The following GAK variants were observed in gnomAD, a reference collection of about 807,000 sequenced individuals.
The protein encoded by GAK is cyclin-G-associated kinase.
Under a neutral mutation model 143.9 loss-of-function variants are expected in GAK, and 79 were observed. The observed-to-expected ratio is 0.55, with a 90% CI of 0.46 to 0.66. The LOEUF (loss-of-function observed/expected upper bound fraction) is 0.66. Ranked by LOEUF, GAK falls within the 30% of genes least tolerant of loss-of-function variation. GAK has a pLI of 0.00. For missense variants in GAK, 1,693 were observed against 1,779.7 expected (o/e 0.95, Z 0.88); for synonymous variants, 881 against 765.5 (o/e 1.15, Z -2.49).
rs1726035202 is a variant in GAK at position 932,306 on chromosome 4, A to G, written c.-119T>C. The G allele has an allele frequency of 2.2e-6, 3 of 1,378,870 alleles. No homozygotes were observed. The highest frequency in any genetic ancestry group is 2.8e-6 in the Non-Finnish European group (3 of 1,073,802). The allele number at this position is 1,378,870 out of a possible 1,614,324, so 85.4% of individuals were successfully genotyped here. On this transcript the variant is annotated 5_prime_UTR_variant, in exon 1 of 28. Coordinates refer to ENST00000314167, the MANE Select transcript of GAK (RefSeq NM_005255.4). The surrounding 1 kb of genome is among the most constrained non-coding windows in gnomAD (Gnocchi z 4.0). ...CGGAGGTGCACCATCTTCCGCCTCG[A>G]CGCCGTGACGTAGGCGCCCGTGAGG...
Position 877,740 on chromosome 4 carries a change from C to T in GAK, c.1731G>A (p.Val577=), listed in dbSNP as rs1264235352. 3.7e-6 allele frequency: 6 copies of T among 1,613,452 alleles called. No individual in the cohort carries two copies. The East Asian group carries it at 1.3e-4, about 36-fold the overall frequency. Residue 577 remains valine, a synonymous_variant, in exon 16 of 28, where the codon GTG becomes GTA. Transcript: ENST00000314167. ...PITPHSKPIL[V]RAVVMTPVPL... ...GCACGGGTGTCATGACCACGGCCCT[C>T]ACCAGGATGGGCTTGCTGTGGGGTG...
At chr4:877,260 A>C (rs1368520119) in intron 16 of GAK, 53 bp from the exon 17 acceptor site, 6 of 1,159,032 alleles carry the variant, frequency 5.2e-6, no homozygotes, top group Non-Finnish European at 7.8e-6. Context: ...AACCAACCAA[A>C]CAAAAACAAC....
intron 18 of GAK, among the ~76,000 whole-genome samples, chr4:873,426 T>A (rs1408682381): frequency 6.6e-6 from 1 of 152,128 alleles, no homozygotes; most frequent in African/African-American, 2.4e-5. Flanking sequence ...AAACGCCCAC[T>A]TGAACAGATG....
chr4:893,627 C>G (rs1718117790), intron 8 of GAK, 138 bp from the exon 9 acceptor site: 1 of 723,572 alleles, frequency 1.4e-6, no homozygotes, highest in Admixed American at 3.4e-5. Flanking sequence ...AAGGGAGCGG[C>G]AAAGGGAAGA....
chr4:925,613 G>A (rs920099270), intron 1 of GAK, among the ~76,000 whole-genome samples: 1 of 152,164 alleles, frequency 6.6e-6, no homozygotes, highest in African/African-American at 2.4e-5. Context: ...TAATACCCAA[G>A]GTGATGGTGT....
rs1215703792 is a variant in GAK, at chr4:870,827, G to C, written c.2132C>G (p.Pro711Arg). 1 of 1,613,928 alleles carries C rather than the reference G, an allele frequency of 6.2e-7. No individual in the cohort carries two copies. The highest frequency in any genetic ancestry group is 1.3e-5 in the African/African-American group (1 of 74,924). ...FQVNLEVEVE[P>R]RDRPSREAPP... ...GGCTTCCCGGCTCGGCCTGTCCCTG[G>C]GCTCCACCTCCACTTCCAGGTTCAC... Residue 711 changes from proline to arginine, a missense_variant, in exon 19 of 28, where the codon CCC becomes CGC. This residue lies in a region of GAK where 871 missense variants were observed against 991.0 expected (regional missense o/e 0.88). Coordinates refer to ENST00000314167, the MANE Select transcript of GAK (RefSeq NM_005255.4).
At chr4:918,258 A>G (rs1388178997) in intron 1 of GAK, among the ~76,000 whole-genome samples, 15 of 152,244 alleles carry the variant, frequency 9.9e-5, no homozygotes, top group Admixed American at 9.8e-4. Context: ...TTTAGAAACA[A>G]CAACTACAAA....
chr4:875,968 A>C (rs1329111269), intron 18 of GAK, among the ~76,000 whole-genome samples: 1 of 152,220 alleles, frequency 6.6e-6, no homozygotes, highest in Non-Finnish European at 1.5e-5. Context: ...TCCAGTTAGA[A>C]TCAGGACGCC....
Position 898,077 on chromosome 4 carries a change from C to A in GAK, c.607G>T (p.Asp203Tyr). The stretch of plus-strand genomic sequence containing the variant: ...CGCCTCTGGGCGCTCCAGCTGTAGT[C>A]AGGGTAGTGCGAGATGGTCGTGGCA... ...GSATTISHYP[D>Y]YSWSAQRRAL... is the part of the protein sequence containing the mutation. Residue 203 changes from aspartate (D) to tyrosine (Y), a missense_variant, in exon 6 of 28, where the codon GAC becomes TAC. Coordinates refer to ENST00000314167, the MANE Select transcript of GAK (RefSeq NM_005255.4). 1 of 1,614,122 alleles carries A rather than the reference C, an allele frequency of 6.2e-7. No homozygotes were observed. The highest frequency in any genetic ancestry group is 1.1e-5 in the South Asian group (1 of 91,066).
At chr4:878,240 T>A (rs2152800193) in intron 15 of GAK, among the ~76,000 whole-genome samples, 1 of 152,152 alleles carries the variant, frequency 6.6e-6, no homozygotes, top group African/African-American at 2.4e-5. Flanking sequence ...AATGCAAAAA[T>A]CAGCCGGACT....
At position 911,676 on chromosome 4, in the gene GAK, T is replaced by C. The variant is rs1722071048; in HGVS notation, c.379A>G (p.Lys127Glu). 6.2e-7 allele frequency: 1 copy of C among 1,612,064 alleles called. No homozygotes were observed. Among genetic ancestry groups the C allele is most frequent in the Non-Finnish European group, 8.5e-7 (1 of 1,178,370 alleles). Residue 127 changes from lysine to glutamate, a missense_variant, in exon 4 of 28, where the codon AAA (lysine) becomes GAA (glutamate). By Grantham distance (56) the Lys-to-Glu change is moderately conservative (BLOSUM62 1). Around this residue, in one of 2 missense-constraint regions of GAK, gnomAD observed 871 missense variants for 991.0 expected, o/e 0.88. Coordinates refer to ENST00000314167, the MANE Select transcript of GAK (RefSeq NM_005255.4). ...GCCGGCCTTCACAGGACGTTACCTT[T>C]ACAGAGCTCTGTGAGCAAGAGGAAC... ...AEFLLLTELC[K>E]GQLVEFLKKM...
chr4:902,280 T>C (rs1720014099), intron 5 of GAK, among the ~76,000 whole-genome samples: 1 of 146,922 alleles, frequency 6.8e-6, no homozygotes, highest in Non-Finnish European at 1.5e-5. Flanking sequence ...CCCAGAGACA[T>C]GGACAAAAGT....
chr4:895,828 G>A (rs995470512), intron 7 of GAK, among the ~76,000 whole-genome samples: 1 of 152,188 alleles, frequency 6.6e-6, no homozygotes, highest in Non-Finnish European at 1.5e-5. Flanking sequence ...AGCAAGGCTG[G>A]GGTGTGGCAG....
At chr4:868,866 C>A (rs552641132) in intron 19 of GAK, 181 bp from the exon 20 acceptor site, 2 of 630,684 alleles carry the variant, frequency 3.2e-6, no homozygotes, top group Admixed American at 5.9e-5. Flanking sequence ...GCTATCCACT[C>A]GGATGCCACT....
At chr4:850,615 C>T (rs879391514) in intron 26 of GAK, 2 of 235,854 alleles carry the variant, frequency 8.5e-6, no homozygotes, top group Admixed American at 9.9e-5. Flanking sequence ...CTGCAAACAC[C>T]CCGGGGCACT....
At chr4:866,059 A>T (rs1382766308) in intron 22 of GAK, among the ~76,000 whole-genome samples, 1 of 152,218 alleles carries the variant, frequency 6.6e-6, no homozygotes, top group East Asian at 1.9e-4. Context: ...CTCTGCTAAC[A>T]GCTGCAAGGC....
chr4:851,119 C>T, intron 25 of GAK, 35 bp from the exon 26 acceptor site: 1 of 1,593,850 alleles, frequency 6.3e-7, no homozygotes, highest in Non-Finnish European at 8.6e-7. Context: ...TTGTTTGAGA[C>T]AGGGTCTCCA....
At chr4:887,914 C>T (rs1716844581) in intron 11 of GAK, 1 of 85,100 alleles carries the variant, frequency 1.2e-5, no homozygotes, top group South Asian at 7.7e-4. Flanking sequence ...CACATGCACA[C>T]ATGTTCACAT....
chr4:927,992 T>A (rs997120218), intron 1 of GAK, among the ~76,000 whole-genome samples: 1 of 152,166 alleles, frequency 6.6e-6, no homozygotes, highest in Non-Finnish European at 1.5e-5. Context: ...CAGAGGCTGG[T>A]GCCCTCAGTC....
Sources: allele counts gnomAD v4.1 joint callset (sites outside exome capture counted in the v4.1 genomes callset), GRCh38; gene constraint gnomAD v4.1.1; regional missense constraint gnomAD v4.1.1; non-coding constraint Gnocchi (gnomAD v3.1); transcripts MANE v1.5; gene names NCBI Gene and HGNC (gene_info 2026-07-23, HGNC 2026-07-21).